TMEM182: variants seen among roughly 807,000 people sequenced by gnomAD.
TMEM182 encodes transmembrane protein 182.
A neutral mutation model predicts 26.8 loss-of-function variants in TMEM182; 20 were observed. The observed-to-expected ratio is 0.75, with a 90% CI of 0.53 to 1.09. TMEM182 has a LOEUF of 1.09. Among genes scored for constraint, TMEM182 ranks in the 50% least tolerant of loss-of-function variants. The pLI, the probability that TMEM182 is intolerant of heterozygous loss-of-function variation, is 0.00. For missense variants in TMEM182, 277 were observed against 275.5 expected (o/e 1.01, Z -0.04); for synonymous variants, 109 against 102.2 (o/e 1.07, Z -0.40).
intron 3 of TMEM182, among the ~76,000 whole-genome samples, chr2:102,784,546 G>T (rs901500604): frequency 6.6e-6 from 1 of 152,166 alleles, no homozygotes; most frequent in African/African-American, 2.4e-5. Flanking sequence ...CAAGAGGGGG[G>T]TTTTTGGGTC....
chr2:102,816,927 A>C lies in TMEM182; in HGVS notation c.*1959A>C. On this transcript the variant is annotated 3_prime_UTR_variant, in exon 5 of 5. Coordinates refer to ENST00000412401, the MANE Select transcript of TMEM182 (RefSeq NM_144632.5). ...TTATAAATTTCAGATGGTTATCCTCACTTTATAGTACACTTAAGTGGCTAC... is the reference window on the plus strand; with the variant it reads ...TTATAAATTTCAGATGGTTATCCTCCCTTTATAGTACACTTAAGTGGCTAC... 1.0e-6 allele frequency: 1 copy of C among 985,702 alleles called. No individual in the cohort carries two copies. The highest frequency in any genetic ancestry group is 1.2e-6 in the Non-Finnish European group (1 of 829,828). 61.1% of individuals were successfully genotyped at this position (985,702 alleles called of 1,614,324 possible).
chr2:102,794,069 C>CAAAGAG (rs1681764750), intron 3 of TMEM182, among the ~76,000 whole-genome samples: 2 of 151,924 alleles, frequency 1.3e-5, no homozygotes, highest in Admixed American at 1.3e-4. Flanking sequence ...GACTCTGTCT[C>CAAAGAG]AAAGAGAAAA....
rs192181922 is a variant in TMEM182 at position 102,823,420 on chromosome 2, C to T, written c.326-19992C>T. Among the ~76,000 whole-genome samples the T allele has an allele frequency of 6.9e-3, 1,054 of 152,242 alleles. 3 individuals carry two copies. Among genetic ancestry groups the T allele is most frequent in the Non-Finnish European group, 0.012 (808 of 68,004 alleles). Reference sequence around the variant, plus strand: ...TGATCTCAGCTGACTGCAACCTCCGCCTCCTGGGTTCAAGCGATTCTCCTG... The same window carrying T: ...TGATCTCAGCTGACTGCAACCTCCGTCTCCTGGGTTCAAGCGATTCTCCTG... On this transcript the variant is annotated intron_variant, in intron 3 of 3. Coordinates refer to the TMEM182 transcript ENST00000486293.
intron 4 of TMEM182, among the ~76,000 whole-genome samples, chr2:102,804,180 G>C (rs1682261425): frequency 6.6e-6 from 1 of 151,402 alleles, no homozygotes; most frequent in African/African-American, 2.4e-5. Flanking sequence ...TTTTTCCATA[G>C]GTTATTGGGG....
At chr2:102,751,559 T>C (rs1447835903) in intron 1 of TMEM182, among the ~76,000 whole-genome samples, 1 of 152,212 alleles carries the variant, frequency 6.6e-6, no homozygotes. Context: ...TACAGGCTAC[T>C]CTTTGTTAGC....
At chr2:102,780,049 A>ATTTTTTTT (rs779455881) in intron 3 of TMEM182, among the ~76,000 whole-genome samples, 1 of 140,198 alleles carries the variant, frequency 7.1e-6, no homozygotes. Context: ...GCCATTGAAG[A>ATTTTTTTT]TTTTTTTTTT....
chr2:102,763,022 CAAAT>C (rs756971024), intron 2 of TMEM182, among the ~76,000 whole-genome samples: 19 of 151,934 alleles, frequency 1.3e-4, no homozygotes, highest in Non-Finnish European at 2.2e-4. Context: ...TACTATGTTG[CAAAT>C]AAATAAGATT....
chr2:102,795,332 T>G (rs1681823743), intron 3 of TMEM182, among the ~76,000 whole-genome samples: 1 of 152,160 alleles, frequency 6.6e-6, no homozygotes, highest in Non-Finnish European at 1.5e-5. Context: ...TAATTTCAGG[T>G]TGTATCCTGG....
At chr2:102,744,705 G>C (rs181891899) in intron 1 of TMEM182, among the ~76,000 whole-genome samples, 1 of 152,082 alleles carries the variant, frequency 6.6e-6, no homozygotes, top group Non-Finnish European at 1.5e-5. Flanking sequence ...TTTTCCTTTA[G>C]CCCTTAAAAT....
chr2:102,774,247 TTTC>T (rs1464946749), intron 3 of TMEM182, among the ~76,000 whole-genome samples: 6 of 134,380 alleles, frequency 4.5e-5, no homozygotes, highest in African/African-American at 1.2e-4. Context: ...ACTTTCTTTC[TTTC>T]TTTTTTTTTT....
Position 102,762,613 on chromosome 2 carries a change from AG to A in TMEM182, c.162del (p.Phe55SerfsTer43), listed in dbSNP as rs1254216424. 1 of 1,613,916 alleles carries A rather than the reference AG, an allele frequency of 6.2e-7. No homozygotes were observed. Among genetic ancestry groups the A allele is most frequent in the African/African-American group, 1.3e-5 (1 of 75,034 alleles). On this transcript the variant is annotated frameshift_variant, in exon 2 of 5. Transcript: ENST00000412401. LOFTEE classifies it high-confidence loss of function. ...TAGAGAACGTCACTTTTCACCATGA[AG>A]GGTTCTTCTGGAGGTGTTGGTTTAA... Reference protein sequence around the residue: ...NIENVTFHHEGFFWRCWFNGI... With the variant: ...NIENVTFHHEXFFWRCWFNGI...
chr2:102,770,305 T>A (rs574758805), intron 3 of TMEM182, among the ~76,000 whole-genome samples: 4 of 152,156 alleles, frequency 2.6e-5, no homozygotes, highest in Admixed American at 2.6e-4. Flanking sequence ...GCAAAAGTTC[T>A]TGGGGCCCAG....
chr2:102,821,802 C>T (rs1210472541), downstream of TMEM182, among the ~76,000 whole-genome samples: 1 of 152,006 alleles, frequency 6.6e-6, no homozygotes, highest in Non-Finnish European at 1.5e-5. Flanking sequence ...CCCTGGCTAA[C>T]ATGGTGAAAT....
intron 3 of TMEM182, among the ~76,000 whole-genome samples, chr2:102,829,853 C>T (rs1263604958): frequency 1.3e-5 from 2 of 152,142 alleles, no homozygotes; most frequent in Non-Finnish European, 2.9e-5. Flanking sequence ...ACTCTCCTCC[C>T]CCAATTAAAC....
chr2:102,775,838 T>G (rs570408315), intron 3 of TMEM182, among the ~76,000 whole-genome samples: 6 of 152,328 alleles, frequency 3.9e-5, no homozygotes, highest in Admixed American at 3.3e-4. Context: ...ACAAGGGATG[T>G]GAAGGACCTC....
chr2:102,751,352 A>C (rs78613874), intron 1 of TMEM182, among the ~76,000 whole-genome samples: 332 of 152,104 alleles, frequency 2.2e-3, no homozygotes, highest in African/African-American at 7.3e-3. Context: ...CCCTTTTCTT[A>C]TTATGCAAAT....
intron 3 of TMEM182, among the ~76,000 whole-genome samples, chr2:102,783,881 A>G (rs1232415062): frequency 6.6e-6 from 1 of 152,210 alleles, no homozygotes; most frequent in Non-Finnish European, 1.5e-5. Context: ...TAAACTGCAC[A>G]CATTTGTTCC....
intron 3 of TMEM182, among the ~76,000 whole-genome samples, chr2:102,789,234 G>A (rs1275403205): frequency 6.6e-6 from 1 of 152,156 alleles, no homozygotes; most frequent in Non-Finnish European, 1.5e-5. Flanking sequence ...GGTGTCTGAG[G>A]CAATATAGCA....
At chr2:102,746,607 T>G (rs1679705898) in intron 1 of TMEM182, among the ~76,000 whole-genome samples, 1 of 152,114 alleles carries the variant, frequency 6.6e-6, no homozygotes, top group Non-Finnish European at 1.5e-5. Flanking sequence ...ATTTTTTTTT[T>G]CTCCAAGATG....
Sources: gnomAD v4.1 joint callset for allele counts (sites outside exome capture counted in the v4.1 genomes callset) on GRCh38, gnomAD v4.1.1 for gene constraint, MANE v1.5 for transcripts, NCBI Gene and HGNC (gene_info 2026-07-23, HGNC 2026-07-21) for gene names.